Variants in CFAP46 observed in about 807,000 individuals in gnomAD.
CFAP46 encodes cilia and flagella associated protein 46.
A neutral mutation model predicts 325.7 loss-of-function variants in CFAP46; 245 were observed. The ratio of observed to expected loss-of-function variants is 0.75; its 90% CI spans 0.68 to 0.84. The LOEUF is 0.84. CFAP46 is among the 40% of genes least tolerant of loss of function. The pLI, the probability that CFAP46 is intolerant of heterozygous loss-of-function variation, is 0.00. For synonymous variants in CFAP46, 1,523 were observed against 1,495.9 expected, an observed-to-expected ratio of 1.02 and a Z score of -0.42; for missense variants, 3,346 against 3,543.0, an observed-to-expected ratio of 0.94 and a Z score of 1.41.
chr10:132,850,318 C>T lies in CFAP46; in HGVS notation c.5878G>A (p.Gly1960Arg), dbSNP rs1254435469. Residue 1960 changes from glycine (G) to arginine (R), a missense_variant, in exon 41 of 58, where the codon GGG becomes AGG. Gly to Arg is a moderately radical substitution (Grantham distance 125). Transcript: ENST00000368586. ...ATGGCCAGCAGGTGCAGGGCCCTCC[C>T]GGCCAGGCCCAGGAGCCGGGCGCGG... ...EIRARLLGLA[G>R]RALHLLAMQA... 3.9e-6 allele frequency: 6 copies of T among 1,551,690 alleles called. 1 individual carries two copies. Among genetic ancestry groups the T allele is most frequent in the East Asian group, 4.9e-5 (2 of 41,062 alleles).
At position 132,912,638 on chromosome 10, in the gene CFAP46, C is replaced by T. The variant is rs1451151841; in HGVS notation, c.2499+17G>A. On this transcript the variant is annotated intron_variant, in intron 19 of 57. Transcript: ENST00000368586. ...CTCTCTCTCTCTCTCTCTCTCTCGGCATCATGGAGGTGGTACCTCCACCGC... is the reference window on the plus strand; with the variant it reads ...CTCTCTCTCTCTCTCTCTCTCTCGGTATCATGGAGGTGGTACCTCCACCGC... 9 of 1,470,728 alleles carry T rather than the reference C, an allele frequency of 6.1e-6. No homozygotes were observed. Among genetic ancestry groups the T allele is most frequent in the Middle Eastern group, 1.8e-4 (1 of 5,620 alleles). The allele number at this position is 1,470,728 out of a possible 1,614,324, so 91.1% of individuals were successfully genotyped here. A position where few individuals can be genotyped will look rare whatever the true frequency, so the allele number is the denominator to read the frequency against.
At chr10:132,841,649 CCA>C (rs1451384730) in intron 44 of CFAP46, among the ~76,000 whole-genome samples, 1 of 152,108 alleles carries the variant, frequency 6.6e-6, no homozygotes, top group African/African-American at 2.4e-5. Flanking sequence ...ATGGAGGCTG[CCA>C]AGCCTCCATC....
At chr10:132,852,048 C>T (rs1438303735) in intron 39 of CFAP46, among the ~76,000 whole-genome samples, 8 of 151,832 alleles carry the variant, frequency 5.3e-5, no homozygotes, top group Admixed American at 3.9e-4. Context: ...GATCCACAGA[C>T]GTGGTATGTT....
At chr10:132,879,733 G>T in intron 28 of CFAP46, 102 bp from the exon 29 acceptor site, 2 of 1,217,654 alleles carry the variant, frequency 1.6e-6, no homozygotes, top group Non-Finnish European at 2.2e-6. Flanking sequence ...ACTGCCCGGT[G>T]CCTCGCGGAC....
At chr10:132,879,372 G>T (rs569627518) in intron 29 of CFAP46, 54 bp downstream of exon 29, 1 of 1,430,956 alleles carries the variant, frequency 7.0e-7, no homozygotes, top group Non-Finnish European at 9.2e-7. Context: ...TCCCCAGCCC[G>T]CGGCCCGTCC....
chr10:132,809,609 A>T (rs575036966), intron 57 of CFAP46, among the ~76,000 whole-genome samples: 1 of 149,130 alleles, frequency 6.7e-6, no homozygotes, highest in South Asian at 2.1e-4. Context: ...CTTCTTAGTC[A>T]GGGCAGACCA....
chr10:132,877,561 G>A lies in CFAP46; in HGVS notation c.4212+320C>T, dbSNP rs1183956284. 2.0e-5 allele frequency among the ~76,000 whole-genome samples: 3 copies of A among 152,354 alleles called. No homozygotes were observed. Among genetic ancestry groups the A allele is most frequent in the South Asian group, 2.1e-4 (1 of 4,828 alleles). ...GCTCTGTGCAAACTGCGTGCATTAC[G>A]TGGCTAGCTCCAGGCCCGGGATTCC... is the stretch of plus-strand genomic sequence containing the variant. On this transcript the variant is annotated intron_variant, in intron 30 of 57. Transcript: ENST00000368586. The surrounding 1 kb of genome is among the most constrained non-coding windows in gnomAD (Gnocchi z 5.7).
Position 132,909,202 on chromosome 10 carries a change from C to T in CFAP46, c.2692G>A (p.Ala898Thr), listed in dbSNP as rs780001067. 64 of 1,550,224 alleles carry T rather than the reference C, an allele frequency of 4.1e-5. No homozygotes were observed. The highest frequency in any genetic ancestry group is 5.1e-5 in the Non-Finnish European group (59 of 1,146,950). ...DVSSVTRVLV[A>T]LEMYSCNGLG... ...CCGTTGCATGAGTACATTTCCAAGG[C>T]AACGAGGACTCTGGTCACCGAGCTG... The change falls in exon 21 of 58, where the codon GCC becomes ACC. Residue 898 changes from alanine (A) to threonine (T), a missense_variant. Transcript: ENST00000368586.
In CFAP46 at chr10:132,840,139, C is replaced by T. The variant is rs1051572936; in HGVS notation, c.6439-3225G>A. Among the ~76,000 whole-genome samples the T allele has an allele frequency of 8.5e-5, 13 of 152,306 alleles. No individual in the cohort carries two copies. In the East Asian group the frequency reaches 2.5e-3, roughly 29 times the overall value. The stretch of plus-strand genomic sequence containing the variant: ...ACATTTTAAATAAGAGATTCAATTT[C>T]TTTAACAGACACCGAATCATTTGGA... On this transcript the variant is annotated intron_variant, in intron 44 of 57. Transcript: ENST00000368586.
At chr10:132,932,863 G>A (rs1849934353) in intron 8 of CFAP46, among the ~76,000 whole-genome samples, 1 of 152,244 alleles carries the variant, frequency 6.6e-6, no homozygotes, top group Non-Finnish European at 1.5e-5. Context: ...TCAGGATCAC[G>A]CTCCTCCGGT....
At position 132,939,283 on chromosome 10, in the gene CFAP46, GA is replaced by G. The variant is rs1850062302; in HGVS notation, c.372-531del. On this transcript the variant is annotated intron_variant, in intron 4 of 57. Coordinates refer to ENST00000368586, the MANE Select transcript of CFAP46 (RefSeq NM_001200049.3). This position sits in a 1 kb window ranked among gnomAD's most constrained non-coding sequence, Gnocchi z 4.6. ...TGGAGGAGAAGGGAGGAACCTTTGG[GA>G]AACAAAGTTCCCGTCTGCCAGCATA... Among the ~76,000 whole-genome samples the G allele has an allele frequency of 6.6e-6, 1 of 152,230 alleles. No homozygotes were observed. Among genetic ancestry groups the G allele is most frequent in the Admixed American group, 6.5e-5 (1 of 15,288 alleles).
intron 48 of CFAP46, 93 bp from the exon 49 acceptor site, chr10:132,834,216 G>C: frequency 8.5e-7 from 1 of 1,179,900 alleles, no homozygotes; most frequent in East Asian, 2.4e-5. Flanking sequence ...TCACTCTAAG[G>C]CAGCAGCACC....
At chr10:132,936,608 A>C (rs1591101944) in intron 7 of CFAP46, among the ~76,000 whole-genome samples, 5 of 102,792 alleles carry the variant, frequency 4.9e-5, no homozygotes, top group African/African-American at 7.7e-5. Flanking sequence ...TGATCTCCTC[A>C]CTCCCCTTGG....
rs1290292201 is a variant in CFAP46, at chr10:132,877,209, G to T, written c.4213-248C>A. On this transcript the variant is annotated intron_variant, in intron 30 of 57. Transcript: ENST00000368586. The surrounding 1 kb of genome is among the most constrained non-coding windows in gnomAD (Gnocchi z 5.7). ...GGGTGCCCAGGCTCAGGACTCCCGA[G>T]AGCTAAGGCTCTGCAGCCTCTGCCT... Among the ~76,000 whole-genome samples, 1 of 152,188 alleles carries T rather than the reference G, an allele frequency of 6.6e-6. No homozygotes were observed. The highest frequency in any genetic ancestry group is 1.5e-5 in the Non-Finnish European group (1 of 68,036).
intron 57 of CFAP46, 64 bp downstream of exon 57, chr10:132,810,345 G>T (rs1271227924): frequency 1.5e-5 from 21 of 1,375,382 alleles, no homozygotes; most frequent in South Asian, 2.3e-5. Context: ...CAGTGCACGT[G>T]CCCCATGGGC....
Position 132,846,345 on chromosome 10 carries a change from G to C in CFAP46, c.6268-118C>G, listed in dbSNP as rs541545099. The C allele has an allele frequency of 7.9e-5, 100 of 1,268,188 alleles. No individual in the cohort carries two copies. The African/African-American group carries it at 1.4e-3, about 18-fold the overall frequency. The allele number at this position is 1,268,188 out of a possible 1,614,324, so 78.6% of individuals were successfully genotyped here. A position where few individuals can be genotyped will look rare whatever the true frequency, so the allele number is the denominator to read the frequency against. On this transcript the variant is annotated intron_variant, in intron 43 of 57. Transcript: ENST00000368586. ...GAGCAGGAGTGGGCTGGCTCTCCTGGCAAGGCTCCCCTGGGATGCTGGCTC... is the reference window on the plus strand; with the variant it reads ...GAGCAGGAGTGGGCTGGCTCTCCTGCCAAGGCTCCCCTGGGATGCTGGCTC...
chr10:132,815,518 T>C (rs997302087), intron 50 of CFAP46, among the ~76,000 whole-genome samples: 1 of 152,226 alleles, frequency 6.6e-6, no homozygotes, highest in Non-Finnish European at 1.5e-5. Flanking sequence ...GGATGGGGCA[T>C]TGCGTTTGGT....
At chr10:132,916,304 G>T (rs566009185) in intron 17 of CFAP46, among the ~76,000 whole-genome samples, 1 of 152,200 alleles carries the variant, frequency 6.6e-6, no homozygotes. Context: ...ACGTTTCCTC[G>T]TAGTAACAGC....
Position 132,877,776 on chromosome 10 carries a change from G to A in CFAP46, c.4212+105C>T, listed in dbSNP as rs1237724910. ...ACAGGCCATCCCGGGCCCGGCCTCT[G>A]CACTGAGGCCGCCTGGGGCTCCTCC... is the stretch of plus-strand genomic sequence containing the variant. On this transcript the variant is annotated intron_variant, in intron 30 of 57. Transcript: ENST00000368586. The surrounding 1 kb of genome is among the most constrained non-coding windows in gnomAD (Gnocchi z 5.7). 7.8e-7 allele frequency: 1 copy of A among 1,278,210 alleles called. No homozygotes were observed. Among genetic ancestry groups the A allele is most frequent in the African/African-American group, 1.5e-5 (1 of 66,842 alleles). The allele number at this position is 1,278,210 out of a possible 1,614,324, so 79.2% of individuals were successfully genotyped here.
Sources: gnomAD v4.1 joint callset for allele counts (sites outside exome capture counted in the v4.1 genomes callset) on GRCh38, gnomAD v4.1.1 for gene constraint, Gnocchi (gnomAD v3.1) non-coding constraint, MANE v1.5 for transcripts, NCBI Gene and HGNC (gene_info 2026-07-23, HGNC 2026-07-21) for gene names.